Variants in PCDHGA3 observed in about 807,000 individuals in gnomAD.
PCDHGA3 encodes protocadherin gamma subfamily A, 3, also known as protocadherin gamma-A3.
PCDHGA3 carries 40 observed loss-of-function variants against 58.5 expected under a neutral mutation model. The ratio of observed to expected loss-of-function variants is 0.68; its 90% confidence interval spans 0.53 to 0.89. The LOEUF is 0.89. Ranked by LOEUF, PCDHGA3 falls within the 40% of genes least tolerant of loss-of-function variation. The probability of loss-of-function intolerance (pLI) is 0.00; values close to 1 mark genes in which losing one functional copy is unlikely to be tolerated. For missense variants in PCDHGA3, 1,223 were observed against 1,195.9 expected, an observed-to-expected ratio of 1.02 and a Z score of -0.33; for synonymous variants, 530 against 525.7, an observed-to-expected ratio of 1.01 and a Z score of -0.11.
intron 1 of PCDHGA3, chr5:141,362,457 G>C (rs1290295372): frequency 6.2e-7 from 1 of 1,614,004 alleles, no homozygotes; most frequent in South Asian, 1.1e-5. Context: ...CCCCGGAATT[G>C]GTTCCCGCGC....
chr5:141,464,068 C>A (rs2099075218), intron 1 of PCDHGA3, among the ~76,000 whole-genome samples: 1 of 152,036 alleles, frequency 6.6e-6, no homozygotes, highest in Admixed American at 6.6e-5. Flanking sequence ...AGTTCAAGGC[C>A]AGCCTGGCCA....
chr5:141,484,591 T>C (rs2099597977), intron 1 of PCDHGA3, among the ~76,000 whole-genome samples: 1 of 152,020 alleles, frequency 6.6e-6, no homozygotes, highest in African/African-American at 2.4e-5. Flanking sequence ...AAGCTACTCA[T>C]TTAGAATACT....
chr5:141,478,092 C>T (rs2099429960), intron 1 of PCDHGA3: 1 of 1,614,156 alleles, frequency 6.2e-7, no homozygotes, highest in Non-Finnish European at 8.5e-7. Flanking sequence ...CTCTCCACCA[C>T]TGCTACCCTC....
At chr5:141,409,098 G>A in intron 1 of PCDHGA3, 2 of 1,613,994 alleles carry the variant, frequency 1.2e-6, no homozygotes, top group Non-Finnish European at 1.7e-6. Flanking sequence ...GAGAAAACAG[G>A]TATGATTAAG....
rs760056101 is a variant in PCDHGA3, at chr5:141,361,494, A to T, written c.2424+15037A>T. The T allele has an allele frequency of 2.5e-6, 4 of 1,613,976 alleles. No homozygotes were observed. In the East Asian group the frequency reaches 8.9e-5, roughly 36 times the overall value. On this transcript the variant is annotated intron_variant, in intron 1 of 3. Coordinates refer to ENST00000253812, the MANE Select transcript of PCDHGA3 (RefSeq NM_018916.4). ...TCAACGATAATGCCCCAGTTTTCCA[A>T]CAGACTTCCTACATGGTTCACGTGG...
At chr5:141,497,354 A>G (rs1430368474) in intron 2 of PCDHGA3, among the ~76,000 whole-genome samples, 1 of 152,054 alleles carries the variant, frequency 6.6e-6, no homozygotes, top group Non-Finnish European at 1.5e-5. Flanking sequence ...AGCCCCACCA[A>G]CTGCCTCTCA....
intron 1 of PCDHGA3, chr5:141,376,102 C>G (rs1772284190): frequency 6.2e-7 from 1 of 1,613,506 alleles, no homozygotes; most frequent in Non-Finnish European, 8.5e-7. Flanking sequence ...ACATCCTGGC[C>G]GACCTGGGCA....
chr5:141,421,092 C>T, intron 1 of PCDHGA3: 1 of 663,988 alleles, frequency 1.5e-6, no homozygotes, highest in Non-Finnish European at 2.5e-6. Flanking sequence ...CAGATCCTGA[C>T]ACTGGAGACT....
At chr5:141,509,071 G>T (rs1209992467) in intron 3 of PCDHGA3, among the ~76,000 whole-genome samples, 1 of 152,176 alleles carries the variant, frequency 6.6e-6, no homozygotes, top group Admixed American at 6.5e-5. Flanking sequence ...CAGCTCCGGG[G>T]ATTTGCGACA....
At chr5:141,501,409 A>G (rs1358547245) in intron 2 of PCDHGA3, among the ~76,000 whole-genome samples, 1 of 151,978 alleles carries the variant, frequency 6.6e-6, no homozygotes, top group African/African-American at 2.4e-5. Context: ...ACTGCTTGGA[A>G]AATAGTTGAC....
chr5:141,422,874 G>C (rs763219526), intron 1 of PCDHGA3: 56 of 1,614,134 alleles, frequency 3.5e-5, no homozygotes, highest in Non-Finnish European at 1.0e-5. Flanking sequence ...ACGTGTCGCT[G>C]AGCCTGTTCG....
intron 1 of PCDHGA3, chr5:141,478,878 T>A: frequency 8.0e-7 from 1 of 1,250,194 alleles, no homozygotes; most frequent in Non-Finnish European, 1.1e-6. Flanking sequence ...GAGTTTAGCT[T>A]GGTATCATTT....
chr5:141,480,250 A>T (rs2099515553), intron 1 of PCDHGA3, among the ~76,000 whole-genome samples: 2 of 151,988 alleles, frequency 1.3e-5, no homozygotes, highest in African/African-American at 4.8e-5. Context: ...CAAAAAAAAA[A>T]AAAAATGTGT....
chr5:141,439,676 G>A (rs543598257), intron 1 of PCDHGA3, among the ~76,000 whole-genome samples: 27 of 152,292 alleles, frequency 1.8e-4, no homozygotes, highest in Admixed American at 1.0e-3. Flanking sequence ...GCAAATCCAA[G>A]AGCAGACCCA....
At chr5:141,355,647 G>A (rs750226328) in intron 1 of PCDHGA3, 8 of 1,613,846 alleles carry the variant, frequency 5.0e-6, no homozygotes, top group African/African-American at 1.3e-5. Context: ...AAAATCCTGG[G>A]GCAAGATTTC....
intron 1 of PCDHGA3, chr5:141,393,825 G>C: frequency 6.2e-7 from 1 of 1,613,964 alleles, no homozygotes; most frequent in Non-Finnish European, 8.5e-7. Flanking sequence ...CATTTCGGTG[G>C]AAGATGTAAA....
At position 141,491,070 on chromosome 5, in the gene PCDHGA3, G is replaced by T. The variant is rs1405880268; in HGVS notation, c.2425-3737G>T. On this transcript the variant is annotated intron_variant, in intron 1 of 3. Transcript: ENST00000253812. The surrounding 1 kb of genome is among the most constrained non-coding windows in gnomAD (Gnocchi z 6.9). ...ATGCGTGGCTCTCCTACTCACTGTTGCCACAGTCCACAGCCCCAGGACTGT... is the reference window on the plus strand; with the variant it reads ...ATGCGTGGCTCTCCTACTCACTGTTTCCACAGTCCACAGCCCCAGGACTGT... 6.2e-7 allele frequency: 1 copy of T among 1,614,162 alleles called. No homozygotes were observed. Among genetic ancestry groups the T allele is most frequent in the Non-Finnish European group, 8.5e-7 (1 of 1,180,038 alleles).
chr5:141,481,182 G>T (rs2099533183), intron 1 of PCDHGA3, among the ~76,000 whole-genome samples: 1 of 152,180 alleles, frequency 6.6e-6, no homozygotes, highest in Non-Finnish European at 1.5e-5. Flanking sequence ...AGCTTTATTG[G>T]GCCAGGCCCA....
rs1673656240 is a variant in PCDHGA3, at chr5:141,345,285, T to C, written c.1252T>C (p.Tyr418His). The change falls in exon 1 of 4, where the codon TAT (tyrosine) becomes CAT (histidine). Residue 418 changes from tyrosine (Y) to histidine (H), a missense_variant. Transcript: ENST00000253812. ...CCTGGACCGCGAACAAATATCAGAATATAACATTAGTCTGAGAGCCTCAGA... is the reference window on the plus strand; with the variant it reads ...CCTGGACCGCGAACAAATATCAGAACATAACATTAGTCTGAGAGCCTCAGA... Reference protein sequence around the residue: ...TSLDREQISEYNISLRASDGG... With the variant: ...TSLDREQISEHNISLRASDGG... The C allele has an allele frequency of 6.2e-7, 1 of 1,613,916 alleles. No individual in the cohort carries two copies. The highest frequency in any genetic ancestry group is 8.5e-7 in the Non-Finnish European group (1 of 1,179,880).
Sources: gnomAD v4.1 joint callset for allele counts (sites outside exome capture counted in the v4.1 genomes callset) on GRCh38, gnomAD v4.1.1 for gene constraint, Gnocchi (gnomAD v3.1) non-coding constraint, MANE v1.5 for transcripts, NCBI Gene and HGNC (gene_info 2026-07-23, HGNC 2026-07-21) for gene names.